Variants in SFXN4 observed in about 807,000 individuals in gnomAD.
SFXN4 encodes the protein sideroflexin-4.
Under a neutral mutation model 54.6 loss-of-function variants are expected in SFXN4, and 48 were observed. The ratio of observed to expected loss-of-function variants is 0.88; its 90% CI spans 0.70 to 1.12. The LOEUF is 1.12. Ranked by LOEUF, SFXN4 falls within the 50% of genes most tolerant of loss-of-function variation. SFXN4 has a pLI of 0.00. For missense variants in SFXN4, 383 were observed against 409.2 expected (o/e 0.94, Z 0.55); for synonymous variants, 130 against 145.5 (o/e 0.89, Z 0.77).
In SFXN4 at chr10:119,157,738, G is replaced by A. The variant is rs780015002; in HGVS notation, c.472-5C>T. 1 of 1,608,994 alleles carries A rather than the reference G, an allele frequency of 6.2e-7. No homozygotes were observed. Among genetic ancestry groups the A allele is most frequent in the Non-Finnish European group, 8.5e-7 (1 of 1,177,844 alleles). On this transcript the variant is annotated splice_polypyrimidine_tract_variant and splice_region_variant and intron_variant, in intron 8 of 13. Transcript: ENST00000355697. The stretch of plus-strand genomic sequence containing the variant: ...TCTTTCTAGTGGCTTACAAGTCTAA[G>A]GAGAAACAAAAGTACTTAATTAGCA...
At chr10:119,156,648 A>G in intron 10 of SFXN4, 30 bp downstream of exon 10, 1 of 1,559,578 alleles carries the variant, frequency 6.4e-7, no homozygotes, top group Non-Finnish European at 8.8e-7. Context: ...CACCCCACCC[A>G]GACTGCAGCC....
intron 3 of SFXN4, 70 bp downstream of exon 3, chr10:119,162,270 A>T: frequency 8.0e-7 from 1 of 1,255,130 alleles, no homozygotes; most frequent in Non-Finnish European, 1.2e-6. Context: ...GCCAAATTCC[A>T]CCTGACTTCA....
chr10:119,141,017 C>G lies in SFXN4; in HGVS notation c.*225G>C. 2.2e-6 allele frequency: 1 copy of G among 455,594 alleles called. No homozygotes were observed. 28.2% of individuals were successfully genotyped at this position (455,594 alleles called of 1,614,324 possible). A position where few individuals can be genotyped will look rare whatever the true frequency, so the allele number is the denominator to read the frequency against. On this transcript the variant is annotated 3_prime_UTR_variant, in exon 14 of 14. Coordinates refer to ENST00000355697, the MANE Select transcript of SFXN4 (RefSeq NM_213649.2). Reference sequence around the variant, plus strand: ...CCACTCCAACCGTTCCCTCAGCAACCCCAGGGGTGTCAGACGGGGCACCCT... The same window carrying G: ...CCACTCCAACCGTTCCCTCAGCAACGCCAGGGGTGTCAGACGGGGCACCCT...
intron 13 of SFXN4, among the ~76,000 whole-genome samples, chr10:119,142,599 G>T (rs1846582947): frequency 7.2e-6 from 1 of 139,818 alleles, no homozygotes; most frequent in South Asian, 2.2e-4. Context: ...CACCCAGGCT[G>T]GAGTGCAGTG....
intron 10 of SFXN4, among the ~76,000 whole-genome samples, chr10:119,156,365 G>A (rs1391327033): frequency 6.6e-6 from 1 of 152,336 alleles, no homozygotes; most frequent in East Asian, 1.9e-4. Context: ...CAGGCGGAGG[G>A]TTGCAGTGAG....
intron 1 of SFXN4, 55 bp downstream of exon 1, chr10:119,165,482 A>C (rs1847731413): frequency 6.7e-7 from 1 of 1,491,816 alleles, no homozygotes; most frequent in Non-Finnish European, 8.8e-7. Flanking sequence ...GCCCGACTCC[A>C]CGCGGCCCGG....
intron 11 of SFXN4, among the ~76,000 whole-genome samples, chr10:119,150,353 C>A (rs900803412): frequency 6.6e-6 from 1 of 151,964 alleles, no homozygotes; most frequent in Non-Finnish European, 1.5e-5. Context: ...CCAAGCCTGG[C>A]AGGCAGGAGG....
chr10:119,159,059 C>T (rs1175026050), intron 6 of SFXN4, among the ~76,000 whole-genome samples: 2 of 152,076 alleles, frequency 1.3e-5, no homozygotes, highest in Admixed American at 1.3e-4. Flanking sequence ...GTGGGTGGAT[C>T]ACCTGAGGTC....
Position 119,162,408 on chromosome 10 carries a change from T to A in SFXN4, c.184A>T (p.Ile62Leu), listed in dbSNP as rs1306394151. 9 of 1,613,514 alleles carry A rather than the reference T, an allele frequency of 5.6e-6. No individual in the cohort carries two copies. The highest frequency in any genetic ancestry group is 1.3e-5 in the African/African-American group (1 of 74,906). Residue 62 changes from isoleucine (I) to leucine (L), a missense_variant, in exon 3 of 14, where the codon ATA becomes TTA. Physicochemically the swap from Ile to Leu is conservative, Grantham distance 5 (BLOSUM62 2). Coordinates refer to ENST00000355697, the MANE Select transcript of SFXN4 (RefSeq NM_213649.2). Reference protein sequence around the residue: ...PTNVFISVESIENSRQLLCTN... With the variant: ...PTNVFISVESLENSRQLLCTN... ...CACAATAGTTGCCTCGAGTTTTCTA[T>A]ACTTTCCTAAAATCAGATATCAAGT...
intron 2 of SFXN4, among the ~76,000 whole-genome samples, 184 bp from the exon 3 acceptor site, chr10:119,162,598 T>A (rs1044279135): frequency 1.3e-5 from 2 of 152,128 alleles, no homozygotes; most frequent in African/African-American, 2.4e-5. Flanking sequence ...TTCAGATTTA[T>A]GCCTTCCTCT....
chr10:119,154,935 C>T lies in SFXN4; in HGVS notation c.732+127G>A, dbSNP rs539815301. 6.3e-4 allele frequency: 406 copies of T among 647,518 alleles called. 1 individual carries two copies. Among genetic ancestry groups the T allele is most frequent in the Non-Finnish European group, 1.0e-3 (371 of 363,368 alleles). 40.1% of individuals were successfully genotyped at this position (647,518 alleles called of 1,614,324 possible). A position where few individuals can be genotyped will look rare whatever the true frequency, so the allele number is the denominator to read the frequency against. The stretch of plus-strand genomic sequence containing the variant: ...GGGGCAAAATGAGAAATTTCTCTCT[C>T]AGCATGCTAAGGAAAGACGGGTAAA... On this transcript the variant is annotated intron_variant, in intron 11 of 13. Coordinates refer to ENST00000355697, the MANE Select transcript of SFXN4 (RefSeq NM_213649.2).
rs1369507042 is a variant in SFXN4 at position 119,163,467 on chromosome 10, G to A, written c.177+664C>T. ...GGCTGGAGTGCAGTGGCAAGATCTC[G>A]GCTCACTGCAACCTCCACCTCCTGG... On this transcript the variant is annotated intron_variant, in intron 2 of 13. Coordinates refer to ENST00000355697, the MANE Select transcript of SFXN4 (RefSeq NM_213649.2). Among the ~76,000 whole-genome samples, 4 of 151,974 alleles carry A rather than the reference G, an allele frequency of 2.6e-5. No homozygotes were observed. The East Asian group carries it at 5.8e-4, about 22-fold the overall frequency.
At chr10:119,150,384 T>C (rs1056622917) in intron 11 of SFXN4, among the ~76,000 whole-genome samples, 2 of 152,074 alleles carry the variant, frequency 1.3e-5, no homozygotes, top group East Asian at 1.9e-4. Context: ...AACTTGCTCA[T>C]TGGATATTTG....
chr10:119,153,246 A>AT, intron 11 of SFXN4, among the ~76,000 whole-genome samples: 1 of 152,100 alleles, frequency 6.6e-6, no homozygotes, highest in East Asian at 1.9e-4. Flanking sequence ...CCCCATGTCT[A>AT]TAAAAAGCAC....
intron 12 of SFXN4, among the ~76,000 whole-genome samples, chr10:119,146,694 G>A (rs569156108): frequency 4.5e-4 from 68 of 151,984 alleles, no homozygotes; most frequent in Middle Eastern, 3.4e-3. Flanking sequence ...TCAGCCTCCC[G>A]AGTAGCTGGG....
chr10:119,147,102 G>A (rs1048147296), intron 12 of SFXN4, among the ~76,000 whole-genome samples: 2 of 152,188 alleles, frequency 1.3e-5, no homozygotes, highest in African/African-American at 2.4e-5. Flanking sequence ...TAGCAAGTGG[G>A]TCCCGCATCA....
At chr10:119,158,643 A>G (rs890791969) in intron 6 of SFXN4, among the ~76,000 whole-genome samples, 4 of 148,194 alleles carry the variant, frequency 2.7e-5, no homozygotes, top group Non-Finnish European at 6.0e-5. Context: ...AAAAAAAAGA[A>G]GTACACATTT....
intron 1 of SFXN4, among the ~76,000 whole-genome samples, chr10:119,164,786 G>A (rs1847700768): frequency 6.6e-6 from 1 of 152,000 alleles, no homozygotes; most frequent in Middle Eastern, 3.2e-3. Flanking sequence ...AAAAAAAACA[G>A]GGCTGGACCC....
intron 13 of SFXN4, among the ~76,000 whole-genome samples, chr10:119,143,703 C>T (rs1243043790): frequency 2.0e-5 from 3 of 151,996 alleles, no homozygotes; most frequent in Non-Finnish European, 4.4e-5. Flanking sequence ...TCTTGAACGC[C>T]GGGGCTCAAG....
Sources: allele counts gnomAD v4.1 joint callset (sites outside exome capture counted in the v4.1 genomes callset), GRCh38; gene constraint gnomAD v4.1.1; transcripts MANE v1.5; gene names NCBI Gene and HGNC (gene_info 2026-07-23, HGNC 2026-07-21).